SHISA9: variants seen among roughly 807,000 people sequenced by gnomAD.
The protein encoded by SHISA9 is shisa family member 9.
A neutral mutation model predicts 38.0 loss-of-function variants in SHISA9; 13 were observed. The observed-to-expected ratio is 0.34, with a 90% CI of 0.22 to 0.54. SHISA9 has a LOEUF of 0.54. SHISA9 is among the 20% of genes least tolerant of loss of function. The pLI is 0.91. For missense variants in SHISA9, 538 were observed against 575.8 expected (o/e 0.93, Z 0.67); for synonymous variants, 275 against 242.0 (o/e 1.14, Z -1.27).
chr16:13,303,274 G>A, the SHISA9 span, among the ~76,000 whole-genome samples: 1 of 152,170 alleles, frequency 6.6e-6, no homozygotes. Context: ...ACATGTGCAT[G>A]TATGTTCATA....
chr16:13,491,888 G>A, the SHISA9 span, among the ~76,000 whole-genome samples: 55 of 110,578 alleles, frequency 5.0e-4, no homozygotes, highest in African/African-American at 2.0e-3. Flanking sequence ...TGTTGCCCAG[G>A]CTGTTCTTGA....
the SHISA9 span, among the ~76,000 whole-genome samples, chr16:13,278,090 TTGTA>T: frequency 6.6e-6 from 1 of 152,006 alleles, no homozygotes; most frequent in Non-Finnish European, 1.5e-5. Flanking sequence ...GGTATGTCCT[TTGTA>T]TGCCGATTTT....
chr16:13,517,271 G>A, the SHISA9 span, among the ~76,000 whole-genome samples: 3 of 152,162 alleles, frequency 2.0e-5, no homozygotes, highest in Non-Finnish European at 4.4e-5. Context: ...CTCTCCTTCA[G>A]CGGGTCCAAA....
intron 2 of SHISA9, among the ~76,000 whole-genome samples, chr16:12,984,743 G>A (rs761345637): frequency 6.6e-6 from 1 of 152,114 alleles, no homozygotes; most frequent in African/African-American, 2.4e-5. Flanking sequence ...GATTCCTTTG[G>A]CATCCTCTGA....
intron 2 of SHISA9, among the ~76,000 whole-genome samples, chr16:13,019,770 TTCTTTCTTTC>T (rs1190706147): frequency 1.7e-5 from 1 of 58,886 alleles, no homozygotes; most frequent in African/African-American, 8.2e-5. Context: ...TTTCTTTTCT[TTCTTTCTTTC>T]TTTCTTTCTT....
intron 2 of SHISA9, among the ~76,000 whole-genome samples, chr16:12,930,930 C>A (rs1263535365): frequency 6.6e-6 from 1 of 152,174 alleles, no homozygotes; most frequent in Non-Finnish European, 1.5e-5. Context: ...GCCCCAAGCC[C>A]TGGCTTATTT....
intron 2 of SHISA9, among the ~76,000 whole-genome samples, chr16:13,124,875 A>C (rs934638244): frequency 1.3e-5 from 2 of 152,212 alleles, no homozygotes; most frequent in Non-Finnish European, 2.9e-5. Context: ...GGAAAAAGGC[A>C]GTCTCTTCAA....
In SHISA9 at chr16:13,040,923, G is replaced by A. The variant is rs545420762; in HGVS notation, c.691+124108G>A. ...ACTTTGGTGGCTCTCAGAATGGAGAGCAAGTGTGGGGTCCTGAGTCTCACC... is the reference window on the plus strand; with the variant it reads ...ACTTTGGTGGCTCTCAGAATGGAGAACAAGTGTGGGGTCCTGAGTCTCACC... On this transcript the variant is annotated intron_variant, in intron 2 of 4. Transcript: ENST00000558583. 1.1e-4 allele frequency among the ~76,000 whole-genome samples: 17 copies of A among 152,316 alleles called. No homozygotes were observed. The South Asian group carries it at 2.7e-3, about 24-fold the overall frequency.
At chr16:13,439,365 A>C in the SHISA9 span, among the ~76,000 whole-genome samples, 4 of 152,096 alleles carry the variant, frequency 2.6e-5, no homozygotes, top group African/African-American at 9.7e-5. Context: ...AAGTATTCTC[A>C]CCAAACACAC....
chr16:13,356,155 T>A, the SHISA9 span, among the ~76,000 whole-genome samples: 1 of 152,198 alleles, frequency 6.6e-6, no homozygotes, highest in Admixed American at 6.5e-5. Flanking sequence ...GAATTGCAAC[T>A]TTTTTCTATT....
the SHISA9 span, among the ~76,000 whole-genome samples, chr16:13,499,234 T>C: frequency 1.3e-5 from 2 of 152,178 alleles, no homozygotes; most frequent in Admixed American, 1.3e-4. Flanking sequence ...TGCTCTGAAG[T>C]TGGGCAGGAA....
intron 2 of SHISA9, among the ~76,000 whole-genome samples, chr16:13,079,298 A>C (rs1468379715): frequency 6.6e-6 from 1 of 152,254 alleles, no homozygotes; most frequent in African/African-American, 2.4e-5. Flanking sequence ...GAAAACATGG[A>C]TGATGACAGA....
At chr16:13,447,586 T>C in the SHISA9 span, among the ~76,000 whole-genome samples, 1 of 152,184 alleles carries the variant, frequency 6.6e-6, no homozygotes, top group East Asian at 1.9e-4. Context: ...CACCCAGGCA[T>C]TTGCCTTTTT....
chr16:13,160,230 G>A (rs2050583447), intron 2 of SHISA9, among the ~76,000 whole-genome samples: 1 of 152,058 alleles, frequency 6.6e-6, no homozygotes, highest in South Asian at 2.1e-4. Context: ...TACAGATGAA[G>A]GATTAACATG....
chr16:12,970,354 TATATATATATATATACATATATATATAC>T lies in SHISA9; in HGVS notation c.691+53546_691+53573del, dbSNP rs1368193983. Among the ~76,000 whole-genome samples, 40 of 48,698 alleles carry T rather than the reference TATATATATATATATACATATATATATAC, an allele frequency of 8.2e-4. 1 individual carries two copies. The highest frequency in any genetic ancestry group is 1.6e-3 in the Non-Finnish European group (35 of 22,398). The allele number at this position is 48,698 out of a possible 152,430, so 31.9% of individuals were successfully genotyped here. The stretch of plus-strand genomic sequence containing the variant: ...ATATATATATATATACATATATGTG[TATATATATATATATACATATATATATAC>T]ATATATGTATATATATATATACATA... On this transcript the variant is annotated intron_variant, in intron 2 of 4. Transcript: ENST00000558583.
intron 3 of SHISA9, 95 bp from the exon 4 acceptor site, chr16:13,213,158 G>A: frequency 9.2e-7 from 1 of 1,091,084 alleles, no homozygotes; most frequent in Non-Finnish European, 1.4e-6. Context: ...GGAGGCTGCA[G>A]CAGGGGCAGC....
At chr16:13,073,820 A>G (rs914107404) in intron 2 of SHISA9, among the ~76,000 whole-genome samples, 2 of 152,132 alleles carry the variant, frequency 1.3e-5, no homozygotes, top group Non-Finnish European at 2.9e-5. Context: ...CGCCAAAGAT[A>G]GCTGGTAACA....
the SHISA9 span, among the ~76,000 whole-genome samples, chr16:13,547,207 A>G: frequency 0.015 from 2,286 of 151,582 alleles, 56 homozygotes; most frequent in African/African-American, 0.053. Context: ...CCAGTAATGG[A>G]AAAAAAAATG....
At chr16:13,108,954 G>A (rs2073952041) in intron 2 of SHISA9, among the ~76,000 whole-genome samples, 1 of 152,148 alleles carries the variant, frequency 6.6e-6, no homozygotes, top group Non-Finnish European at 1.5e-5. Context: ...GGGACAAATG[G>A]ATTGTTTTCT....
Sources: gnomAD v4.1 joint callset for allele counts (sites outside exome capture counted in the v4.1 genomes callset) on GRCh38, gnomAD v4.1.1 for gene constraint, MANE v1.5 for transcripts, NCBI Gene and HGNC (gene_info 2026-07-23, HGNC 2026-07-21) for gene names.